Variants in MYLK2 observed in about 807,000 individuals in gnomAD.
MYLK2 encodes the protein myosin light chain kinase 2, skeletal/cardiac muscle.
MYLK2 carries 27 observed loss-of-function variants against 58.2 expected under a neutral mutation model. The observed-to-expected ratio is 0.46, with a 90% CI of 0.34 to 0.64. MYLK2 has a LOEUF of 0.64. MYLK2 is among the 30% of genes least tolerant of loss of function. The probability of loss-of-function intolerance (pLI) is 0.01; values close to 1 mark genes in which losing one functional copy is unlikely to be tolerated. For synonymous variants in MYLK2, 310 were observed against 296.7 expected, an observed-to-expected ratio of 1.04 and a Z score of -0.46; for missense variants, 676 against 764.3, an observed-to-expected ratio of 0.88 and a Z score of 1.36.
chr20:31,833,949 C>A lies in MYLK2; in HGVS notation c.*152C>A. 1 of 682,204 alleles carries A rather than the reference C, an allele frequency of 1.5e-6. No homozygotes were observed. The highest frequency in any genetic ancestry group is 2.7e-5 in the East Asian group (1 of 36,726). 42.3% of individuals were successfully genotyped at this position (682,204 alleles called of 1,614,324 possible). On this transcript the variant is annotated 3_prime_UTR_variant, in exon 13 of 13. Coordinates refer to ENST00000375985, the MANE Select transcript of MYLK2 (RefSeq NM_033118.4). The stretch of plus-strand genomic sequence containing the variant: ...CTGGGAGGCTCGGGGCTCCCCACGC[C>A]CCCATGCAGTGACCGCTTCCCCGAT...
rs1424628953 is a variant in MYLK2, at chr20:31,833,982, G to C, written c.*185G>C. ...AGTGACCGCTTCCCCGATGTGAGCC[G>C]CCTCGGAGTGTGGCCTGGATCCATC... On this transcript the variant is annotated 3_prime_UTR_variant, in exon 13 of 13. Transcript: ENST00000375985. 3 of 611,044 alleles carry C rather than the reference G, an allele frequency of 4.9e-6. No homozygotes were observed. The East Asian group carries it at 8.4e-5, about 17-fold the overall frequency. The allele number at this position is 611,044 out of a possible 1,614,324, so 37.9% of individuals were successfully genotyped here. A position where few individuals can be genotyped will look rare whatever the true frequency, so the allele number is the denominator to read the frequency against.
At chr20:31,819,727 C>A in intron 2 of MYLK2, 95 bp downstream of exon 2, 1 of 1,444,948 alleles carries the variant, frequency 6.9e-7, no homozygotes, top group Non-Finnish European at 9.5e-7. Flanking sequence ...TTCTGTGCCC[C>A]AGCCTTGTTT....
At chr20:31,833,482 A>G (rs1344837981) in intron 12 of MYLK2, among the ~76,000 whole-genome samples, 2 of 152,194 alleles carry the variant, frequency 1.3e-5, no homozygotes, top group African/African-American at 4.8e-5. Flanking sequence ...AACTGGAGCC[A>G]TGGGAGTGTT....
intron 8 of MYLK2, chr20:31,828,137 C>T: frequency 1.0e-6 from 1 of 975,830 alleles, no homozygotes. Context: ...ATCTGCCTGC[C>T]TCAGCCTCCC....
intron 8 of MYLK2, among the ~76,000 whole-genome samples, chr20:31,829,257 T>A (rs1391137432): frequency 6.6e-6 from 1 of 152,168 alleles, no homozygotes; most frequent in African/African-American, 2.4e-5. Context: ...ATAATACGTT[T>A]TTTGTCAAAA....
At chr20:31,832,473 G>A (rs2062312156) in intron 12 of MYLK2, among the ~76,000 whole-genome samples, 1 of 152,168 alleles carries the variant, frequency 6.6e-6, no homozygotes, top group African/African-American at 2.4e-5. Context: ...GTTACTTTTG[G>A]TGAGAGATGG....
At chr20:31,824,699 C>A (rs2062269950) in intron 6 of MYLK2, 1 of 486,130 alleles carries the variant, frequency 2.1e-6, no homozygotes, top group Non-Finnish European at 2.7e-6. Flanking sequence ...TGGGTGTGGT[C>A]TCCACCCTCA....
At position 31,820,554 on chromosome 20, in the gene MYLK2, TC is replaced by T; in HGVS notation, c.473+12del. ...TCCTGCCATCATCTCCAGGTGAATA[TC>T]CCCTCCTGGGAGTGGGGAGGGGTCC... On this transcript the variant is annotated intron_variant, in intron 3 of 12. Transcript: ENST00000375985. 2 of 1,599,512 alleles carry T rather than the reference TC, an allele frequency of 1.3e-6. No homozygotes were observed. The highest frequency in any genetic ancestry group is 1.7e-6 in the Non-Finnish European group (2 of 1,179,916).
intron 3 of MYLK2, 24 bp downstream of exon 3, chr20:31,820,570 G>C (rs376076477): frequency 6.3e-6 from 10 of 1,598,262 alleles, no homozygotes; most frequent in South Asian, 2.2e-5. Context: ...CCTGGGAGTG[G>C]GGAGGGGTCC....
intron 8 of MYLK2, chr20:31,828,233 G>C: frequency 1.0e-6 from 1 of 985,392 alleles, no homozygotes; most frequent in Non-Finnish European, 1.2e-6. Flanking sequence ...GTTGTCCGTA[G>C]CTGTCCGGAG....
chr20:31,827,780 A>G (rs543227821), intron 8 of MYLK2, among the ~76,000 whole-genome samples: 1 of 152,028 alleles, frequency 6.6e-6, no homozygotes, highest in African/African-American at 2.4e-5. Flanking sequence ...CGGCCTCCCA[A>G]AGTGCTGGGA....
rs1318287840 is a variant in MYLK2 at position 31,831,721 on chromosome 20, CTTCCTGGGAGAT to C, written c.1444_1455del (p.Phe482_Asp485del). 1 of 1,614,092 alleles carries C rather than the reference CTTCCTGGGAGAT, an allele frequency of 6.2e-7. No homozygotes were observed. On this transcript the variant is annotated inframe_deletion, in exon 11 of 13. Coordinates refer to ENST00000375985, the MANE Select transcript of MYLK2 (RefSeq NM_033118.4). ...CCTCTAGGCTGAGCGGCCTCTCCCC[CTTCCTGGGAGAT>C]GATGACACAGAGACCCTAAACAACG...
At chr20:31,833,011 T>G (rs1192925826) in intron 12 of MYLK2, among the ~76,000 whole-genome samples, 1 of 152,158 alleles carries the variant, frequency 6.6e-6, no homozygotes, top group African/African-American at 2.4e-5. Context: ...TTTGGCCTCC[T>G]GAATAGCTGG....
intron 8 of MYLK2, among the ~76,000 whole-genome samples, chr20:31,829,626 T>C (rs1187561801): frequency 6.6e-6 from 1 of 152,108 alleles, no homozygotes; most frequent in African/African-American, 2.4e-5. Context: ...GTGGCGACCA[T>C]GGGAGAGTTG....
intron 3 of MYLK2, 136 bp from the exon 4 acceptor site, chr20:31,821,303 G>A: frequency 2.2e-6 from 2 of 914,400 alleles, no homozygotes; most frequent in South Asian, 1.5e-5. Context: ...CCTTAATTTT[G>A]TACCAGGTGA....
rs370838605 is a variant in MYLK2, at chr20:31,831,993, C to G, written c.1578-11C>G. The G allele has an allele frequency of 1.2e-6, 2 of 1,611,388 alleles. No individual in the cohort carries two copies. The highest frequency in any genetic ancestry group is 1.7e-6 in the Non-Finnish European group (2 of 1,178,884). The stretch of plus-strand genomic sequence containing the variant: ...ATGCAGCCCACCGTCACCATGCTGC[C>G]TCTCCCCCAGGGCCCGGATGAACGC... On this transcript the variant is annotated splice_polypyrimidine_tract_variant and intron_variant, in intron 11 of 12. Coordinates refer to ENST00000375985, the MANE Select transcript of MYLK2 (RefSeq NM_033118.4).
At chr20:31,831,659 C>T in intron 10 of MYLK2, 44 bp from the exon 11 acceptor site, 1 of 1,610,454 alleles carries the variant, frequency 6.2e-7, no homozygotes, top group Non-Finnish European at 8.5e-7. Flanking sequence ...TGACTCAGCA[C>T]CTCCAATCTC....
At chr20:31,824,944 C>G (rs980066852) in intron 6 of MYLK2, among the ~76,000 whole-genome samples, 2 of 152,206 alleles carry the variant, frequency 1.3e-5, no homozygotes, top group African/African-American at 4.8e-5. Context: ...GCTTCTGACT[C>G]AGGCCGAGGG....
intron 6 of MYLK2, among the ~76,000 whole-genome samples, chr20:31,826,104 C>T (rs1044916519): frequency 9.2e-5 from 14 of 152,088 alleles, no homozygotes; most frequent in African/African-American, 3.4e-4. Context: ...CTTTTGCTGC[C>T]AGGCAAGCCG....
Sources: allele counts gnomAD v4.1 joint callset (sites outside exome capture counted in the v4.1 genomes callset), GRCh38; gene constraint gnomAD v4.1.1; transcripts MANE v1.5; gene names NCBI Gene and HGNC (gene_info 2026-07-23, HGNC 2026-07-21).